BRD10: variants seen among roughly 807,000 people sequenced by gnomAD.
BRD10 encodes the protein uncharacterized bromodomain-containing protein 10.
chr9:5,924,913 T>C, the BRD10 span: 1 of 1,136,360 alleles, frequency 8.8e-7, no homozygotes, highest in Non-Finnish European at 1.2e-6. Context: ...AAACTAACTT[T>C]TAACATTTTA....
chr9:5,885,846 A>G, the BRD10 span, among the ~76,000 whole-genome samples: 1 of 152,192 alleles, frequency 6.6e-6, no homozygotes, highest in African/African-American at 2.4e-5. Flanking sequence ...AGGACTCAGT[A>G]GTGACTGGGA....
the BRD10 span, chr9:5,967,953 T>C: frequency 2.0e-6 from 2 of 976,484 alleles, no homozygotes; most frequent in Non-Finnish European, 1.5e-6. Flanking sequence ...GCATCCATGA[T>C]GCATAATGGA....
the BRD10 span, among the ~76,000 whole-genome samples, chr9:5,901,441 A>C: frequency 6.6e-6 from 1 of 152,176 alleles, no homozygotes; most frequent in Admixed American, 6.5e-5. Context: ...TGATTTTGTC[A>C]AATGCTTTTT....
the BRD10 span, chr9:5,922,281 T>C: frequency 1.2e-6 from 2 of 1,613,974 alleles, no homozygotes; most frequent in South Asian, 1.1e-5. Context: ...AGTGTTGTTG[T>C]TGATGACAGA....
At chr9:5,881,635 T>C in the BRD10 span, 1 of 152,194 alleles carries the variant, frequency 6.6e-6, no homozygotes, top group Non-Finnish European at 1.5e-5. Context: ...GAGTAAGCCC[T>C]TTCTTGTCAG....
chr9:6,006,052 T>G, the BRD10 span, among the ~76,000 whole-genome samples: 2 of 152,158 alleles, frequency 1.3e-5, no homozygotes, highest in African/African-American at 4.8e-5. Context: ...AACCAAAAAA[T>G]TAACACAATT....
At chr9:5,986,254 G>C in the BRD10 span, among the ~76,000 whole-genome samples, 1 of 152,172 alleles carries the variant, frequency 6.6e-6, no homozygotes, top group East Asian at 1.9e-4. Flanking sequence ...TTAGTTTGCT[G>C]AGGATAATGG....
the BRD10 span, among the ~76,000 whole-genome samples, chr9:5,935,108 T>C: frequency 6.6e-6 from 1 of 152,054 alleles, no homozygotes; most frequent in Non-Finnish European, 1.5e-5. Context: ...CATATAAATA[T>C]GAAAAAAGTT....
the BRD10 span, chr9:5,988,404 T>C: frequency 6.2e-7 from 1 of 1,613,974 alleles, no homozygotes; most frequent in Non-Finnish European, 8.5e-7. Context: ...CCATTATAGA[T>C]TCAAAAACTC....
the BRD10 span, among the ~76,000 whole-genome samples, chr9:5,969,788 C>T: frequency 1.3e-5 from 2 of 152,126 alleles, no homozygotes; most frequent in African/African-American, 2.4e-5. Context: ...TCAGGTGATC[C>T]GCCTGCCTCG....
the BRD10 span, among the ~76,000 whole-genome samples, chr9:5,971,829 T>C: frequency 6.6e-6 from 1 of 152,100 alleles, no homozygotes; most frequent in African/African-American, 2.4e-5. Flanking sequence ...TAGAGGGGCA[T>C]ACTAGAAAAA....
At chr9:5,924,108 A>G in the BRD10 span, among the ~76,000 whole-genome samples, 1 of 152,226 alleles carries the variant, frequency 6.6e-6, no homozygotes, top group Non-Finnish European at 1.5e-5. Flanking sequence ...TTCTATTTCT[A>G]AAGTAAATTT....
At chr9:5,905,091 T>A in the BRD10 span, among the ~76,000 whole-genome samples, 1 of 152,188 alleles carries the variant, frequency 6.6e-6, no homozygotes, top group Non-Finnish European at 1.5e-5. Flanking sequence ...CTTTTTTACT[T>A]TTTTTCAGTG....
the BRD10 span, among the ~76,000 whole-genome samples, chr9:5,923,494 C>G: frequency 1.3e-5 from 2 of 152,164 alleles, no homozygotes; most frequent in East Asian, 3.8e-4. Context: ...ACATGATAAT[C>G]TAGATATCAT....
the BRD10 span, chr9:5,924,597 G>A: frequency 4.1e-5 from 43 of 1,041,340 alleles, no homozygotes; most frequent in African/African-American, 6.3e-4. Flanking sequence ...TGCCTTCACA[G>A]CAAACAAAAA....
the BRD10 span, among the ~76,000 whole-genome samples, chr9:5,923,861 AAAC>A: frequency 6.6e-6 from 1 of 152,222 alleles, no homozygotes; most frequent in Non-Finnish European, 1.5e-5. Context: ...CAAAGATGGA[AAAC>A]AATAAGTTAA....
chr9:6,008,069 C>G, the BRD10 span: 2 of 984,018 alleles, frequency 2.0e-6, no homozygotes, highest in South Asian at 4.7e-5. Context: ...ACGGCCCTCG[C>G]CGGCCTCACC....
chr9:5,904,496 TCTCA>T, the BRD10 span, among the ~76,000 whole-genome samples: 1 of 152,032 alleles, frequency 6.6e-6, no homozygotes, highest in Non-Finnish European at 1.5e-5. Context: ...TGAGACAGAA[TCTCA>T]CTCACTCTGT....
the BRD10 span, among the ~76,000 whole-genome samples, chr9:5,886,407 G>A: frequency 2.6e-5 from 4 of 152,216 alleles, no homozygotes; most frequent in East Asian, 3.8e-4. Flanking sequence ...GTTGCTAGGC[G>A]TATTCTGTGC....
Sources: allele counts gnomAD v4.1 joint callset (sites outside exome capture counted in the v4.1 genomes callset), GRCh38; gene constraint gnomAD v4.1.1; transcripts MANE v1.5; gene names NCBI Gene and HGNC (gene_info 2026-07-23, HGNC 2026-07-21).